MYH14: variants seen among roughly 807,000 people sequenced by gnomAD.
MYH14 encodes the protein myosin heavy chain 14.
Under a neutral mutation model 255.5 loss-of-function variants are expected in MYH14, and 123 were observed. That is an observed-to-expected ratio of 0.48 (90% CI 0.42 to 0.56). The LOEUF is 0.56. Ranked by LOEUF, MYH14 falls within the 20% of genes least tolerant of loss-of-function variation. The probability of loss-of-function intolerance (pLI) is 0.00; values close to 1 mark genes in which losing one functional copy is unlikely to be tolerated. For missense variants in MYH14, 2,423 were observed against 2,802.3 expected (o/e 0.86, Z 3.06); for synonymous variants, 1,095 against 1,161.2 (o/e 0.94, Z 1.16).
At chr19:50,210,327 C>A (rs767685636) in intron 1 of MYH14, 36 bp from the exon 2 acceptor site, 1 of 1,539,860 alleles carries the variant, frequency 6.5e-7, no homozygotes, top group East Asian at 2.5e-5. Context: ...GGACGGAGCC[C>A]CATCTGACCC....
In MYH14 at chr19:50,293,111, T is replaced by C. The variant is rs1366152241; in HGVS notation, c.5257-122T>C. On this transcript the variant is annotated intron_variant, in intron 37 of 42. Coordinates refer to ENST00000642316, the MANE Select transcript of MYH14 (RefSeq NM_001145809.2). This position sits in a 1 kb window ranked among gnomAD's most constrained non-coding sequence, Gnocchi z 4.1. ...TGTAGGTTGCAGCTCATTCCAGGGTTACCCAGGGACAGCATGAGAAAAAAG... is the reference window on the plus strand; with the variant it reads ...TGTAGGTTGCAGCTCATTCCAGGGTCACCCAGGGACAGCATGAGAAAAAAG... 1.4e-6 allele frequency: 1 copy of C among 727,704 alleles called. No individual in the cohort carries two copies. The highest frequency in any genetic ancestry group is 1.7e-5 in the African/African-American group (1 of 57,148). The allele number at this position is 727,704 out of a possible 1,614,324, so 45.1% of individuals were successfully genotyped here.
chr19:50,289,370 C>G (rs2123445685), intron 34 of MYH14, 66 bp from the exon 35 acceptor site: 1 of 1,333,832 alleles, frequency 7.5e-7, no homozygotes, highest in Non-Finnish European at 1.0e-6. Flanking sequence ...TTCCCCTACT[C>G]TAGCTAGGCT....
chr19:50,271,287 A>G (rs2035289586), intron 24 of MYH14, 122 bp from the exon 25 acceptor site: 3 of 975,288 alleles, frequency 3.1e-6, no homozygotes, highest in Non-Finnish European at 4.6e-6. Flanking sequence ...CACCCAGGGC[A>G]TGGACATCTC....
chr19:50,267,060 T>C (rs2035112987), intron 23 of MYH14, 52 bp downstream of exon 23: 2 of 1,483,284 alleles, frequency 1.3e-6, no homozygotes, highest in South Asian at 1.2e-5. Flanking sequence ...TGGGGCTGTG[T>C]CGCATGGGTG....
intron 24 of MYH14, among the ~76,000 whole-genome samples, chr19:50,269,250 C>G (rs1481965751): frequency 1.3e-5 from 2 of 152,186 alleles, no homozygotes. Context: ...CATCTCAGCT[C>G]ACTGCAACCT....
chr19:50,292,756 G>C (rs2036128524), intron 37 of MYH14, among the ~76,000 whole-genome samples: 1 of 152,040 alleles, frequency 6.6e-6, no homozygotes, highest in Non-Finnish European at 1.5e-5. Flanking sequence ...GGGGAGATTG[G>C]AGTCACAAAG....
chr19:50,226,689 G>A (rs888750511), intron 7 of MYH14, among the ~76,000 whole-genome samples: 1 of 152,142 alleles, frequency 6.6e-6, no homozygotes, highest in Non-Finnish European at 1.5e-5. Context: ...GGACCAGGGG[G>A]CTGGGGAAAG....
chr19:50,234,622 A>T (rs559775800), intron 10 of MYH14, among the ~76,000 whole-genome samples: 2 of 135,218 alleles, frequency 1.5e-5, no homozygotes, highest in Non-Finnish European at 3.1e-5. Flanking sequence ...CCCAGCCTGC[A>T]TGACTCCGCA....
chr19:50,296,002 C>T (rs181182215), intron 39 of MYH14, among the ~76,000 whole-genome samples: 5 of 150,410 alleles, frequency 3.3e-5, no homozygotes, highest in South Asian at 4.2e-4. Context: ...TCCAGCTACT[C>T]GGGAGGCTGG....
intron 33 of MYH14, 73 bp downstream of exon 33, chr19:50,281,915 C>T: frequency 6.6e-7 from 1 of 1,515,658 alleles, no homozygotes; most frequent in South Asian, 1.2e-5. Context: ...TTGTGAGGAA[C>T]CAGTAATCCG....
Position 50,293,344 on chromosome 19 carries a change from G to A in MYH14, c.5345+23G>A. On this transcript the variant is annotated intron_variant, in intron 38 of 42. Coordinates refer to ENST00000642316, the MANE Select transcript of MYH14 (RefSeq NM_001145809.2). The surrounding 1 kb of genome is among the most constrained non-coding windows in gnomAD (Gnocchi z 4.1). ...CAAGTAAGTGCCCCAAGGGTCTGAAGGCTGAGGTACTGCGTCTGCAGGAGG... is the reference window on the plus strand; with the variant it reads ...CAAGTAAGTGCCCCAAGGGTCTGAAAGCTGAGGTACTGCGTCTGCAGGAGG... 6.3e-7 allele frequency: 1 copy of A among 1,577,530 alleles called. No homozygotes were observed. Among genetic ancestry groups the A allele is most frequent in the Non-Finnish European group, 8.6e-7 (1 of 1,158,722 alleles).
chr19:50,275,954 G>T (rs1375492174), intron 27 of MYH14, 37 bp from the exon 28 acceptor site: 4 of 1,544,128 alleles, frequency 2.6e-6, no homozygotes, highest in Non-Finnish European at 3.6e-6. Context: ...ACTCTGGCCT[G>T]CCCCTGTATC....
In MYH14 at chr19:50,244,250, C is replaced by T. The variant is rs759736898; in HGVS notation, c.1123C>T (p.Arg375Trp). 19 of 1,613,630 alleles carry T rather than the reference C, an allele frequency of 1.2e-5. No individual in the cohort carries two copies. Among genetic ancestry groups the T allele is most frequent in the Middle Eastern group, 1.7e-4 (1 of 6,060 alleles). The change falls in exon 11 of 43, where the codon CGG becomes TGG. Residue 375 changes from arginine to tryptophan, a missense_variant. This residue lies in a region of MYH14 where 672 missense variants were observed against 881.8 expected (regional missense o/e 0.76). Coordinates refer to ENST00000642316, the MANE Select transcript of MYH14 (RefSeq NM_001145809.2). ...FSHEEIISML[R>W]MVSAVLQFGN... ...TGTCCTTGCGTCCCCAGCCATGCTG[C>T]GGATGGTCTCAGCAGTTCTCCAGTT... is the stretch of plus-strand genomic sequence containing the variant.
chr19:50,267,741 A>G (rs1436132510), intron 23 of MYH14, among the ~76,000 whole-genome samples: 2 of 152,118 alleles, frequency 1.3e-5, no homozygotes, highest in Non-Finnish European at 2.9e-5. Flanking sequence ...ATTAAATGAA[A>G]TGTGAGGTAG....
At chr19:50,292,093 G>A (rs1202448896) in intron 36 of MYH14, among the ~76,000 whole-genome samples, 168 bp from the exon 37 acceptor site, 2 of 152,074 alleles carry the variant, frequency 1.3e-5, no homozygotes, top group African/African-American at 4.8e-5. Flanking sequence ...CTGGCTCAGG[G>A]TCACACAGCA....
At position 50,297,974 on chromosome 19, in the gene MYH14, A is replaced by G. The variant is rs1470004369; in HGVS notation, c.5470-3687A>G. 3.9e-5 allele frequency among the ~76,000 whole-genome samples: 6 copies of G among 152,068 alleles called. No homozygotes were observed. In the East Asian group the frequency reaches 7.7e-4, roughly 20 times the overall value. ...GGGAGTCTATTCACCCCATGGGTGCATGGGGAGGGCATGGGGGAGGGGCAT... is the reference window on the plus strand; with the variant it reads ...GGGAGTCTATTCACCCCATGGGTGCGTGGGGAGGGCATGGGGGAGGGGCAT... On this transcript the variant is annotated intron_variant, in intron 39 of 42. Coordinates refer to ENST00000642316, the MANE Select transcript of MYH14 (RefSeq NM_001145809.2).
intron 40 of MYH14, among the ~76,000 whole-genome samples, chr19:50,302,698 C>T (rs1053252371): frequency 2.7e-4 from 41 of 151,730 alleles, no homozygotes; most frequent in African/African-American, 8.9e-4. Context: ...GTCGGGAGTT[C>T]GAGACCAGCC....
chr19:50,255,518 T>A (rs987502303), intron 17 of MYH14, among the ~76,000 whole-genome samples, 200 bp downstream of exon 17: 4 of 152,182 alleles, frequency 2.6e-5, no homozygotes, highest in Admixed American at 2.0e-4. Flanking sequence ...CTAAACTGCA[T>A]GTAAAAGTAC....
At chr19:50,219,091 C>T (rs1448840852) in intron 3 of MYH14, among the ~76,000 whole-genome samples, 1 of 138,700 alleles carries the variant, frequency 7.2e-6, no homozygotes. Context: ...GGTGTGTATA[C>T]ACTCACACAC....
Sources: allele counts gnomAD v4.1 joint callset (sites outside exome capture counted in the v4.1 genomes callset), GRCh38; gene constraint gnomAD v4.1.1; regional missense constraint gnomAD v4.1.1; non-coding constraint Gnocchi (gnomAD v3.1); transcripts MANE v1.5; gene names NCBI Gene and HGNC (gene_info 2026-07-23, HGNC 2026-07-21).